The following MBNL2 variants were observed in gnomAD, a reference collection of about 807,000 sequenced individuals.
MBNL2 encodes muscleblind like splicing regulator 2.
Under a neutral mutation model 41.9 loss-of-function variants are expected in MBNL2, and 17 were observed. The observed-to-expected ratio is 0.41, with a 90% CI of 0.28 to 0.61. The LOEUF (loss-of-function observed/expected upper bound fraction) is 0.61, where lower values mean the gene tolerates loss of function less well. Among genes scored for constraint, MBNL2 ranks in the 20% least tolerant of loss-of-function variants. The probability of loss-of-function intolerance (pLI) is 0.35; values close to 1 mark genes in which losing one functional copy is unlikely to be tolerated. For synonymous variants in MBNL2, 195 were observed against 182.9 expected (o/e 1.07, Z -0.53); for missense variants, 336 against 505.6 (o/e 0.66, Z 3.22).
chr13:97,205,582 T>C, the MBNL2 span, among the ~76,000 whole-genome samples: 1 of 152,172 alleles, frequency 6.6e-6, no homozygotes, highest in African/African-American at 2.4e-5. Context: ...ACTCTAAATA[T>C]GGCATTTCTG....
At chr13:97,351,605 G>A (rs1294931025) in intron 5 of MBNL2, among the ~76,000 whole-genome samples, 1 of 152,202 alleles carries the variant, frequency 6.6e-6, no homozygotes, top group African/African-American at 2.4e-5. Flanking sequence ...GCTCTTTTAT[G>A]TTATGGAGAT....
intron 1 of MBNL2, among the ~76,000 whole-genome samples, chr13:97,251,009 T>G (rs2046398985): frequency 6.6e-6 from 1 of 152,026 alleles, no homozygotes; most frequent in Non-Finnish European, 1.5e-5. Flanking sequence ...CATTGCTATT[T>G]CCACTGCCCA....
chr13:97,382,261 T>C (rs1390584251), intron 8 of MBNL2, among the ~76,000 whole-genome samples: 1 of 152,266 alleles, frequency 6.6e-6, no homozygotes, highest in African/African-American at 2.4e-5. Context: ...GTTAGATCTC[T>C]GGGCTGGCCT....
At chr13:97,355,905 T>TAAAAGGTA in intron 5 of MBNL2, among the ~76,000 whole-genome samples, 1 of 152,232 alleles carries the variant, frequency 6.6e-6, no homozygotes, top group Non-Finnish European at 1.5e-5. Flanking sequence ...AGAAATTATT[T>TAAAAGGTA]TGATAGCTGG....
At chr13:97,170,351 A>T in the MBNL2 span, among the ~76,000 whole-genome samples, 3 of 152,214 alleles carry the variant, frequency 2.0e-5, no homozygotes, top group Non-Finnish European at 4.4e-5. Context: ...ATTATGGAAC[A>T]TAAGTATCCC....
At chr13:97,261,704 A>G (rs1018586713) in intron 1 of MBNL2, among the ~76,000 whole-genome samples, 33 of 152,198 alleles carry the variant, frequency 2.2e-4, no homozygotes, top group African/African-American at 8.0e-4. Flanking sequence ...GGAAGGCCCC[A>G]GCACCACTTT....
chr13:97,224,093 G>A (rs190308022), intron 1 of MBNL2, among the ~76,000 whole-genome samples: 57 of 152,320 alleles, frequency 3.7e-4, no homozygotes, highest in Admixed American at 2.0e-3. Flanking sequence ...CAGGTTTTCT[G>A]CAGGGCTTCT....
chr13:97,279,235 A>G (rs985504776), intron 2 of MBNL2, among the ~76,000 whole-genome samples: 1 of 152,264 alleles, frequency 6.6e-6, no homozygotes, highest in Non-Finnish European at 1.5e-5. Context: ...CTTTGAAATC[A>G]GAAGGACCAG....
At chr13:97,251,607 T>C (rs1029846092) in intron 1 of MBNL2, among the ~76,000 whole-genome samples, 3 of 152,232 alleles carry the variant, frequency 2.0e-5, no homozygotes, top group Non-Finnish European at 4.4e-5. Flanking sequence ...TTTGCATTGT[T>C]TTGTATTGTT....
intron 8 of MBNL2, among the ~76,000 whole-genome samples, chr13:97,377,115 T>A (rs1257383982): frequency 6.6e-6 from 1 of 152,198 alleles, no homozygotes; most frequent in African/African-American, 2.4e-5. Flanking sequence ...TTAAGCCTTT[T>A]GTATGAATTA....
intron 2 of MBNL2, among the ~76,000 whole-genome samples, chr13:97,295,772 C>G (rs2056918116): frequency 6.6e-6 from 1 of 152,066 alleles, no homozygotes; most frequent in African/African-American, 2.4e-5. Context: ...TAGTAGAGTT[C>G]TTGGAGTGAT....
chr13:97,310,198 C>CAAAG (rs2058463726), intron 2 of MBNL2, among the ~76,000 whole-genome samples: 1 of 152,082 alleles, frequency 6.6e-6, no homozygotes, highest in Non-Finnish European at 1.5e-5. Flanking sequence ...GCTCTGACTC[C>CAAAG]AAAGAGTCGT....
the MBNL2 span, among the ~76,000 whole-genome samples, chr13:97,149,858 T>C: frequency 0.068 from 10,290 of 152,280 alleles, 557 homozygotes; most frequent in African/African-American, 0.15. Flanking sequence ...AGAGGGCAGA[T>C]GCCTCTCCCT....
chr13:97,359,601 A>C (rs1265975014), intron 7 of MBNL2, among the ~76,000 whole-genome samples: 4 of 148,994 alleles, frequency 2.7e-5, no homozygotes, highest in Non-Finnish European at 4.4e-5. Context: ...AATGTATCTC[A>C]TGAAGGACCC....
At chr13:97,372,163 T>TAATA (rs2064445401) in intron 8 of MBNL2, among the ~76,000 whole-genome samples, 1 of 152,230 alleles carries the variant, frequency 6.6e-6, no homozygotes, top group Non-Finnish European at 1.5e-5. Flanking sequence ...TCTTACATAT[T>TAATA]AATATTGGGA....
chr13:97,229,535 G>A (rs1030829246), intron 1 of MBNL2, among the ~76,000 whole-genome samples: 2 of 152,068 alleles, frequency 1.3e-5, no homozygotes, highest in Non-Finnish European at 2.9e-5. Flanking sequence ...CATCCTTAGT[G>A]GTTGTTTCTG....
chr13:97,296,213 C>A (rs150201647), intron 2 of MBNL2, among the ~76,000 whole-genome samples: 36 of 152,254 alleles, frequency 2.4e-4, no homozygotes, highest in African/African-American at 7.7e-4. Flanking sequence ...TGATTCATTT[C>A]TCTTTCTCTC....
At chr13:97,263,877 G>C (rs9516883) in intron 1 of MBNL2, among the ~76,000 whole-genome samples, 96,912 of 151,902 alleles carry the variant, frequency 0.64, 31,040 homozygotes, top group East Asian at 0.74. Context: ...CTCGGCCTCC[G>C]AAAGTGCTCG....
chr13:97,201,703 C>A, the MBNL2 span, among the ~76,000 whole-genome samples: 1 of 152,130 alleles, frequency 6.6e-6, no homozygotes, highest in African/African-American at 2.4e-5. Context: ...TTATTTATCA[C>A]TGATAGTTCA....
Sources: allele counts gnomAD v4.1 joint callset (sites outside exome capture counted in the v4.1 genomes callset), GRCh38; gene constraint gnomAD v4.1.1; transcripts MANE v1.5; gene names NCBI Gene and HGNC (gene_info 2026-07-23, HGNC 2026-07-21).